The following ERF variants were observed in gnomAD, a reference collection of about 807,000 sequenced individuals.
ERF encodes the protein ETS domain-containing transcription factor ERF.
A neutral mutation model predicts 41.6 loss-of-function variants in ERF; 10 were observed. The observed-to-expected ratio is 0.24, with a 90% CI of 0.15 to 0.41. The LOEUF is 0.41. Ranked by LOEUF, ERF falls within the 10% of genes least tolerant of loss-of-function variation. ERF has a pLI of 1.00. For synonymous variants in ERF, 395 were observed against 342.4 expected (o/e 1.15, Z -1.70); for missense variants, 621 against 763.2 (o/e 0.81, Z 2.19).
At chr19:42,253,999 C>T (rs946659848) in intron 1 of ERF, 28 of 953,334 alleles carry the variant, frequency 2.9e-5, no homozygotes, top group Non-Finnish European at 3.5e-5. Context: ...TGGGACCCCT[C>T]CCCCTGCGCG....
At chr19:42,253,975 G>A (rs1037947775) in intron 1 of ERF, 11 of 1,005,916 alleles carry the variant, frequency 1.1e-5, no homozygotes, top group South Asian at 3.4e-5. Flanking sequence ...CGGGGTAGAC[G>A]GGCAGGGGGC....
At chr19:42,254,542 G>A (rs1307173409) in intron 1 of ERF, 2 of 158,224 alleles carry the variant, frequency 1.3e-5, no homozygotes, top group Non-Finnish European at 2.8e-5. Context: ...CTAACCTGGT[G>A]CAGGGCACGC....
intron 1 of ERF, chr19:42,253,816 G>A: frequency 2.1e-6 from 2 of 962,234 alleles, no homozygotes; most frequent in East Asian, 1.1e-4. Context: ...ATGGGGTGGG[G>A]TGGGTGGGCC....
chr19:42,251,348 C>T (rs1443461925), intron 1 of ERF: 17 of 985,688 alleles, frequency 1.7e-5, no homozygotes, highest in Non-Finnish European at 2.0e-5. Flanking sequence ...TCATCTTCAG[C>T]TCCTTCCCTG....
At chr19:42,253,276 G>A (rs750983400) in intron 1 of ERF, among the ~76,000 whole-genome samples, 18 of 152,318 alleles carry the variant, frequency 1.2e-4, no homozygotes, top group Non-Finnish European at 2.2e-4. Context: ...GAGCCGGGAA[G>A]AAAACAGGAA....
At chr19:42,251,318 C>G in intron 1 of ERF, 1 of 986,188 alleles carries the variant, frequency 1.0e-6, no homozygotes, top group Non-Finnish European at 1.2e-6. Flanking sequence ...AGCTGTCACC[C>G]TCTTCCCACT....
At position 42,255,005 on chromosome 19, in the gene ERF, G is replaced by T; in HGVS notation, c.-6C>A. 4.2e-6 allele frequency: 6 copies of T among 1,436,392 alleles called. No homozygotes were observed. Among genetic ancestry groups the T allele is most frequent in the Non-Finnish European group, 4.6e-6 (5 of 1,096,846 alleles). The allele number at this position is 1,436,392 out of a possible 1,614,324, so 89.0% of individuals were successfully genotyped here. On this transcript the variant is annotated 5_prime_UTR_variant, in exon 1 of 4. Coordinates refer to ENST00000222329, the MANE Select transcript of ERF (RefSeq NM_006494.4). Reference sequence around the variant, plus strand: ...GTGTCCGCCGGGGTCTTCATGCTGGGGGGCCCGGGGCGAAGCGCCCCGATT... The same window carrying T: ...GTGTCCGCCGGGGTCTTCATGCTGGTGGGCCCGGGGCGAAGCGCCCCGATT...
Position 42,249,635 on chromosome 19 carries a change from G to T in ERF, c.477C>A (p.Pro159=), listed in dbSNP as rs1451403973. The change falls in exon 4 of 4, where the codon CCC becomes CCA. Residue 159 remains proline (P), a synonymous_variant. Coordinates refer to ENST00000222329, the MANE Select transcript of ERF (RefSeq NM_006494.4). The surrounding 1 kb of genome is among the most constrained non-coding windows in gnomAD (Gnocchi z 8.6). ...ATGAAGAGCAGGCTGGTGGTGAGCG[G>T]GGGTCCTCGGTGGGGGACAGCACCT... ...PSEVLSPTED[P]RSPPACSSSS... 6.2e-6 allele frequency: 10 copies of T among 1,611,690 alleles called. No individual in the cohort carries two copies. The highest frequency in any genetic ancestry group is 1.3e-5 in the African/African-American group (1 of 74,894).
At position 42,249,758 on chromosome 19, in the gene ERF, G is replaced by T. The variant is rs1273359391; in HGVS notation, c.374-20C>A. The T allele has an allele frequency of 6.2e-7, 1 of 1,611,852 alleles. No homozygotes were observed. The highest frequency in any genetic ancestry group is 8.5e-7 in the Non-Finnish European group (1 of 1,178,470). On this transcript the variant is annotated intron_variant, in intron 3 of 3. Transcript: ENST00000222329. This position sits in a 1 kb window ranked among gnomAD's most constrained non-coding sequence, Gnocchi z 8.6. Reference sequence around the variant, plus strand: ...CACCCCCTGGCAGAAGGGAGACAGTGTCAAGGCCCCTGGCCTAGCCTGAAG... The same window carrying T: ...CACCCCCTGGCAGAAGGGAGACAGTTTCAAGGCCCCTGGCCTAGCCTGAAG...
intron 1 of ERF, among the ~76,000 whole-genome samples, chr19:42,253,033 G>A (rs2036470356): frequency 6.6e-6 from 1 of 152,148 alleles, no homozygotes; most frequent in Non-Finnish European, 1.5e-5. Flanking sequence ...GGATGGCGAG[G>A]TCCCAGAAGC....
chr19:42,253,883 CGCCG>C, intron 1 of ERF: 1 of 1,083,426 alleles, frequency 9.2e-7, no homozygotes, highest in Non-Finnish European at 1.1e-6. Flanking sequence ...CCGCCGCCGC[CGCCG>C]GGGGAAGGAA....
chr19:42,249,200 G>A lies in ERF; in HGVS notation c.912C>T (p.Ser304=), dbSNP rs1453343192. 3.1e-6 allele frequency: 5 copies of A among 1,613,878 alleles called. No individual in the cohort carries two copies. The highest frequency in any genetic ancestry group is 1.1e-5 in the South Asian group (1 of 91,082). ...ACCGTTTCATGTCCTCAGGGCTGAA[G>A]GAGAAGTGGGAGCCTCCCCCTGAGC... The part of the protein sequence containing the change: ...PSGSGGGSHF[S]FSPEDMKRYL... The change falls in exon 4 of 4, where the codon TCC becomes TCT. Residue 304 remains serine, a synonymous_variant. Transcript: ENST00000222329. The surrounding 1 kb of genome is among the most constrained non-coding windows in gnomAD (Gnocchi z 8.6).
rs1568472061 is a variant in ERF at position 42,249,590 on chromosome 19, C to T, written c.522G>A (p.Ser174=). ...ACSSSSSSLF[S]AVVARRLGRG... ...GGCCCAGGCGGCGGGCCACCACAGCCGAGAAGAGGGAAGATGAAGATGAAG... is the reference window on the plus strand; with the variant it reads ...GGCCCAGGCGGCGGGCCACCACAGCTGAGAAGAGGGAAGATGAAGATGAAG... The change falls in exon 4 of 4, where the codon TCG becomes TCA. Residue 174 remains serine (S), a synonymous_variant. Transcript: ENST00000222329. This position sits in a 1 kb window ranked among gnomAD's most constrained non-coding sequence, Gnocchi z 8.6. The T allele has an allele frequency of 6.2e-7, 1 of 1,613,582 alleles. No individual in the cohort carries two copies. The highest frequency in any genetic ancestry group is 8.5e-7 in the Non-Finnish European group (1 of 1,179,940).
rs557208336 is a variant in ERF at position 42,253,805 on chromosome 19, G to A, written c.22+1173C>T. ...GGGAATGGGGTGGGAATGGGGTGGG[G>A]ATGGGGTGGGGTGGGTGGGCCGGTC... On this transcript the variant is annotated intron_variant, in intron 1 of 3. Transcript: ENST00000222329. 7,103 of 884,412 alleles carry A rather than the reference G, an allele frequency of 8.0e-3. 30 individuals carry two copies. The highest frequency in any genetic ancestry group is 0.021 in the Middle Eastern group (37 of 1,776). 54.8% of individuals were successfully genotyped at this position (884,412 alleles called of 1,614,324 possible). A position where few individuals can be genotyped will look rare whatever the true frequency, so the allele number is the denominator to read the frequency against.
intron 1 of ERF, among the ~76,000 whole-genome samples, chr19:42,254,379 C>T (rs920959011): frequency 6.6e-6 from 1 of 152,016 alleles, no homozygotes; most frequent in Non-Finnish European, 1.5e-5. Context: ...CTTTTTCGAA[C>T]GTTCGGGCTG....
chr19:42,255,010 C>G lies in ERF; in HGVS notation c.-11G>C. 2 of 1,432,262 alleles carry G rather than the reference C, an allele frequency of 1.4e-6. No homozygotes were observed. The highest frequency in any genetic ancestry group is 1.7e-5 in the South Asian group (1 of 60,136). The allele number at this position is 1,432,262 out of a possible 1,614,324, so 88.7% of individuals were successfully genotyped here. A position where few individuals can be genotyped will look rare whatever the true frequency, so the allele number is the denominator to read the frequency against. On this transcript the variant is annotated 5_prime_UTR_variant, in exon 1 of 4. Coordinates refer to ENST00000222329, the MANE Select transcript of ERF (RefSeq NM_006494.4). ...CGCCGGGGTCTTCATGCTGGGGGGC[C>G]CGGGGCGAAGCGCCCCGATTCCGGG...
chr19:42,255,126 C>A lies in ERF; in HGVS notation c.-127G>T. On this transcript the variant is annotated 5_prime_UTR_variant, in exon 1 of 4. Transcript: ENST00000222329. ...CACCCGGCCTCGCCTCTCAGAGCCT[C>A]TCCCCTCCCCGCCGCCGCCTCCCGG... 3 of 793,122 alleles carry A rather than the reference C, an allele frequency of 3.8e-6. No homozygotes were observed. In the East Asian group the frequency reaches 1.1e-4, roughly 29 times the overall value. The allele number at this position is 793,122 out of a possible 1,614,324, so 49.1% of individuals were successfully genotyped here.
At position 42,250,676 on chromosome 19, in the gene ERF, C is replaced by G; in HGVS notation, c.23-111G>C. ...GCCTTCAACATGGGGAAATCTGTCTCACCTCAGCCAAGTCAAGATCTGATT... is the reference window on the plus strand; with the variant it reads ...GCCTTCAACATGGGGAAATCTGTCTGACCTCAGCCAAGTCAAGATCTGATT... On this transcript the variant is annotated intron_variant, in intron 1 of 3. Transcript: ENST00000222329. The surrounding 1 kb of genome is among the most constrained non-coding windows in gnomAD (Gnocchi z 5.1). The G allele has an allele frequency of 2.0e-6, 2 of 1,020,190 alleles. No individual in the cohort carries two copies. The highest frequency in any genetic ancestry group is 3.2e-5 in the South Asian group (2 of 62,808). 63.2% of individuals were successfully genotyped at this position (1,020,190 alleles called of 1,614,324 possible). A position where few individuals can be genotyped will look rare whatever the true frequency, so the allele number is the denominator to read the frequency against.
chr19:42,254,610 G>A (rs930146162), intron 1 of ERF: 30 of 209,028 alleles, frequency 1.4e-4, no homozygotes, highest in African/African-American at 6.7e-4. Flanking sequence ...TAGCGGGCCC[G>A]GTGGACGAGC....
Sources: gnomAD v4.1 joint callset for allele counts (sites outside exome capture counted in the v4.1 genomes callset) on GRCh38, gnomAD v4.1.1 for gene constraint, Gnocchi (gnomAD v3.1) non-coding constraint, MANE v1.5 for transcripts, NCBI Gene and HGNC (gene_info 2026-07-23, HGNC 2026-07-21) for gene names.